Variants in GRIN2B observed in about 807,000 individuals in gnomAD.
GRIN2B encodes the protein glutamate ionotropic receptor NMDA type subunit 2B.
Under a neutral mutation model 114.5 loss-of-function variants are expected in GRIN2B, and 5 were observed. The observed-to-expected ratio is 0.04, with a 90% confidence interval of 0.02 to 0.09. The LOEUF is 0.09. Among genes scored for constraint, GRIN2B ranks in the 10% least tolerant of loss-of-function variants. The probability of loss-of-function intolerance (pLI) is 1.00; values close to 1 mark genes in which losing one functional copy is unlikely to be tolerated. For synonymous variants in GRIN2B, 787 were observed against 745.1 expected (o/e 1.06, Z -0.92); for missense variants, 1,108 against 1,943.5 (o/e 0.57, Z 8.08).
chr12:13,657,264 T>C (rs572210092), intron 5 of GRIN2B, among the ~76,000 whole-genome samples: 50 of 152,338 alleles, frequency 3.3e-4, no homozygotes, highest in Non-Finnish European at 6.3e-4. Context: ...CCTGGGGAAT[T>C]GGGGATATTC....
chr12:13,834,368 T>C (rs1366104536), intron 3 of GRIN2B, among the ~76,000 whole-genome samples: 1 of 152,010 alleles, frequency 6.6e-6, no homozygotes, highest in Non-Finnish European at 1.5e-5. Context: ...TAGAAGAGGC[T>C]GTCCACAGGA....
chr12:13,931,314 C>G (rs528279909), intron 2 of GRIN2B, among the ~76,000 whole-genome samples: 29 of 152,290 alleles, frequency 1.9e-4, no homozygotes, highest in Middle Eastern at 6.8e-3. Flanking sequence ...GATCTCTCAT[C>G]TTCCTCTGTC....
At chr12:13,647,033 T>C (rs565872273) in intron 5 of GRIN2B, among the ~76,000 whole-genome samples, 3 of 152,162 alleles carry the variant, frequency 2.0e-5, no homozygotes. Context: ...ATTCAGCCAA[T>C]GAGCAGCAGA....
At chr12:13,645,755 T>C (rs559957206) in intron 5 of GRIN2B, among the ~76,000 whole-genome samples, 4 of 152,168 alleles carry the variant, frequency 2.6e-5, no homozygotes, top group East Asian at 1.9e-4. Flanking sequence ...GAGGGAATGA[T>C]GTCAACAACT....
At chr12:13,792,378 C>T (rs1259169772) in intron 3 of GRIN2B, among the ~76,000 whole-genome samples, 1 of 152,244 alleles carries the variant, frequency 6.6e-6, no homozygotes, top group Non-Finnish European at 1.5e-5. Context: ...TTAGAAACCA[C>T]CATGATGGCT....
intron 2 of GRIN2B, among the ~76,000 whole-genome samples, chr12:13,925,502 A>C (rs1386669745): frequency 6.6e-6 from 1 of 152,192 alleles, no homozygotes; most frequent in Non-Finnish European, 1.5e-5. Flanking sequence ...TTGAAAAGAA[A>C]CATGTTTATG....
intron 5 of GRIN2B, among the ~76,000 whole-genome samples, chr12:13,626,912 T>A (rs1356949587): frequency 6.7e-6 from 1 of 148,730 alleles, no homozygotes; most frequent in Non-Finnish European, 1.5e-5. Context: ...CTGTGGAGGT[T>A]GCCATTTTAT....
At chr12:13,876,004 G>A (rs1157282870) in intron 2 of GRIN2B, among the ~76,000 whole-genome samples, 1 of 152,208 alleles carries the variant, frequency 6.6e-6, no homozygotes, top group African/African-American at 2.4e-5. Flanking sequence ...CTGTGACAGA[G>A]CATGCCCAGT....
intron 4 of GRIN2B, among the ~76,000 whole-genome samples, chr12:13,752,355 A>T (rs987544167): frequency 6.6e-6 from 1 of 152,212 alleles, no homozygotes; most frequent in African/African-American, 2.4e-5. Flanking sequence ...ATATTTCCAT[A>T]TATGTAACAT....
intron 3 of GRIN2B, among the ~76,000 whole-genome samples, chr12:13,771,831 T>C (rs1229898937): frequency 6.6e-6 from 1 of 152,276 alleles, no homozygotes; most frequent in Non-Finnish European, 1.5e-5. Flanking sequence ...CCTCATCATC[T>C]AAGCATCAGT....
intron 3 of GRIN2B, among the ~76,000 whole-genome samples, chr12:13,828,692 G>A (rs1392731765): frequency 1.3e-5 from 2 of 152,160 alleles, no homozygotes; most frequent in Non-Finnish European, 2.9e-5. Context: ...ATTGTCCAAT[G>A]TCTAAAAGTA....
chr12:13,616,232 A>C (rs554351971), intron 6 of GRIN2B, among the ~76,000 whole-genome samples: 4 of 152,304 alleles, frequency 2.6e-5, no homozygotes, highest in South Asian at 4.1e-4. Flanking sequence ...AAGACCGAAG[A>C]AACTTTAGCG....
chr12:13,824,591 A>G (rs1864995720), intron 3 of GRIN2B, among the ~76,000 whole-genome samples: 1 of 152,118 alleles, frequency 6.6e-6, no homozygotes, highest in Admixed American at 6.5e-5. Context: ...GCGGTGGCTC[A>G]CGCCTGTAAT....
At chr12:13,682,985 G>A (rs1950145414) in intron 4 of GRIN2B, among the ~76,000 whole-genome samples, 1 of 152,158 alleles carries the variant, frequency 6.6e-6, no homozygotes, top group Non-Finnish European at 1.5e-5. Context: ...CCAGAAAGAT[G>A]CTGTCTTTGG....
intron 4 of GRIN2B, among the ~76,000 whole-genome samples, chr12:13,745,496 G>A (rs564721008): frequency 7.2e-5 from 11 of 152,304 alleles, no homozygotes; most frequent in Middle Eastern, 3.4e-3. Flanking sequence ...CTGAGGACAT[G>A]GCCAAGCAGT....
At chr12:13,616,389 A>C (rs1949440832) in intron 6 of GRIN2B, 66 bp downstream of exon 6, 1 of 1,165,284 alleles carries the variant, frequency 8.6e-7, no homozygotes, top group Non-Finnish European at 1.3e-6. Flanking sequence ...AGGCCAGCCA[A>C]GTGCTAACAG....
intron 5 of GRIN2B, among the ~76,000 whole-genome samples, chr12:13,651,862 T>A (rs1221200183): frequency 1.3e-5 from 2 of 152,118 alleles, no homozygotes; most frequent in Non-Finnish European, 2.9e-5. Flanking sequence ...CCTCTCCAGA[T>A]CTTGGTTTCC....
intron 4 of GRIN2B, among the ~76,000 whole-genome samples, chr12:13,718,974 A>G (rs1294130600): frequency 6.6e-6 from 1 of 152,062 alleles, no homozygotes; most frequent in Non-Finnish European, 1.5e-5. Context: ...CTTTGCTAAG[A>G]GACACATGCT....
intron 5 of GRIN2B, 41 bp from the exon 6 acceptor site, chr12:13,616,698 C>A (rs763808451): frequency 6.8e-7 from 1 of 1,476,768 alleles, no homozygotes; most frequent in African/African-American, 1.4e-5. Flanking sequence ...CCACTGGCCA[C>A]AACATAACAA....
Sources: gnomAD v4.1 joint callset for allele counts (sites outside exome capture counted in the v4.1 genomes callset) on GRCh38, gnomAD v4.1.1 for gene constraint, MANE v1.5 for transcripts, NCBI Gene and HGNC (gene_info 2026-07-23, HGNC 2026-07-21) for gene names.